Variants in SCARA3 observed in about 807,000 individuals in gnomAD.
SCARA3 encodes scavenger receptor class A member 3.
In SCARA3, 39 loss-of-function variants were observed where a neutral mutation model predicts 47.0. The ratio of observed to expected loss-of-function variants is 0.83; its 90% confidence interval spans 0.64 to 1.08. The LOEUF (loss-of-function observed/expected upper bound fraction) is 1.08, where lower values mean the gene tolerates loss of function less well. Among genes scored for constraint, SCARA3 ranks in the 50% least tolerant of loss-of-function variants. The pLI is 0.00. For synonymous variants in SCARA3, 356 were observed against 334.1 expected (o/e 1.07, Z -0.71); for missense variants, 724 against 792.3 (o/e 0.91, Z 1.04).
rs1219600994 is a variant in SCARA3, at chr8:27,659,359, T to C, written c.1189T>C (p.Tyr397His). The change falls in exon 5 of 6, where the codon TAC (tyrosine) becomes CAC (histidine). Residue 397 changes from tyrosine (Y) to histidine (H), a missense_variant. Tyr to His is a moderately conservative substitution (Grantham distance 83). Coordinates refer to ENST00000301904, the MANE Select transcript of SCARA3 (RefSeq NM_016240.3). ...LGFHTHAEEL[Y>H]YLNKSVSIML... ...CTTCCACACCCATGCCGAGGAGCTC[T>C]ACTACCTGAACAAGTCTGTCTCCAT... 2.5e-6 allele frequency: 4 copies of C among 1,614,104 alleles called. No homozygotes were observed. The highest frequency in any genetic ancestry group is 2.5e-6 in the Non-Finnish European group (3 of 1,179,994).
At chr8:27,665,735 A>G (rs777664188) in intron 5 of SCARA3, among the ~76,000 whole-genome samples, 13 of 152,202 alleles carry the variant, frequency 8.5e-5, no homozygotes, top group Non-Finnish European at 1.8e-4. Flanking sequence ...CCTGTATCCC[A>G]TAGGGTAATT....
chr8:27,671,042 C>G lies in SCARA3; in HGVS notation c.1512C>G (p.Ala504=), dbSNP rs373354461. 6.2e-7 allele frequency: 1 copy of G among 1,612,488 alleles called. No individual in the cohort carries two copies. The highest frequency in any genetic ancestry group is 8.5e-7 in the Non-Finnish European group (1 of 1,179,676). Residue 504 remains alanine (A), a synonymous_variant, in exon 6 of 6, where the codon GCC becomes GCG. Coordinates refer to ENST00000301904, the MANE Select transcript of SCARA3 (RefSeq NM_016240.3). The stretch of plus-strand genomic sequence containing the variant: ...GTCCTCAGGGGCAACCTGGAGAGGC[C>G]GGGCCTGTGGGAGAAAGGGGCCCTG... ...PQGPQGQPGE[A]GPVGERGPVG...
intron 3 of SCARA3, among the ~76,000 whole-genome samples, chr8:27,655,782 T>C (rs1801730846): frequency 6.6e-6 from 1 of 152,222 alleles, no homozygotes; most frequent in East Asian, 1.9e-4. Context: ...ATTGCTGTAT[T>C]ATTTATATAG....
At chr8:27,637,685 C>T (rs1383096141) in intron 1 of SCARA3, among the ~76,000 whole-genome samples, 1 of 152,070 alleles carries the variant, frequency 6.6e-6, no homozygotes, top group Non-Finnish European at 1.5e-5. Flanking sequence ...GGGCAGCCCT[C>T]TGTTCCTCAG....
At chr8:27,648,381 T>C (rs1403121208) in intron 1 of SCARA3, among the ~76,000 whole-genome samples, 1 of 152,146 alleles carries the variant, frequency 6.6e-6, no homozygotes, top group African/African-American at 2.4e-5. Flanking sequence ...CCAAGGTGGG[T>C]GGATCACGGT....
chr8:27,730,312 C>T, the SCARA3 span, among the ~76,000 whole-genome samples: 7 of 152,190 alleles, frequency 4.6e-5, no homozygotes, highest in African/African-American at 1.4e-4. Context: ...ATTATCTTCC[C>T]CTCAGCCCCA....
chr8:27,637,490 G>T (rs572750425), intron 1 of SCARA3, among the ~76,000 whole-genome samples: 1 of 152,276 alleles, frequency 6.6e-6, no homozygotes, highest in African/African-American at 2.4e-5. Flanking sequence ...CTTTAGTCCC[G>T]GCCCCATCAT....
chr8:27,645,848 A>T (rs1385721280), intron 1 of SCARA3, among the ~76,000 whole-genome samples: 1 of 152,148 alleles, frequency 6.6e-6, no homozygotes, highest in African/African-American at 2.4e-5. Flanking sequence ...TCCTCTGATC[A>T]ATCACTACTC....
chr8:27,702,262 G>A, the SCARA3 span: 5 of 152,142 alleles, frequency 3.3e-5, no homozygotes, highest in Admixed American at 3.3e-4. Flanking sequence ...GGTCTTCCAG[G>A]GCTCCATCTC....
intron 2 of SCARA3, among the ~76,000 whole-genome samples, chr8:27,650,655 GA>G (rs1801611648): frequency 6.6e-6 from 1 of 152,190 alleles, no homozygotes; most frequent in South Asian, 2.1e-4. Flanking sequence ...TTCACCTTAG[GA>G]ATTCGCAGCT....
the SCARA3 span, among the ~76,000 whole-genome samples, chr8:27,710,668 A>C: frequency 6.6e-6 from 1 of 152,154 alleles, no homozygotes; most frequent in East Asian, 1.9e-4. Flanking sequence ...CGAAATCTAC[A>C]TATCACCTTT....
the SCARA3 span, among the ~76,000 whole-genome samples, chr8:27,729,363 T>G: frequency 6.6e-6 from 1 of 152,130 alleles, no homozygotes; most frequent in Non-Finnish European, 1.5e-5. Flanking sequence ...GTGAGCCACT[T>G]TCCTCACCCT....
intron 1 of SCARA3, among the ~76,000 whole-genome samples, chr8:27,640,212 T>G (rs1212031175): frequency 6.6e-6 from 1 of 152,230 alleles, no homozygotes; most frequent in African/African-American, 2.4e-5. Context: ...CATTTATTAT[T>G]TTTTTAAAAA....
chr8:27,709,276 T>C, the SCARA3 span, among the ~76,000 whole-genome samples: 3 of 152,108 alleles, frequency 2.0e-5, no homozygotes, highest in Non-Finnish European at 2.9e-5. Context: ...CCTGAGGGAT[T>C]TTTACAAGAA....
the SCARA3 span, among the ~76,000 whole-genome samples, chr8:27,711,221 C>T: frequency 6.6e-6 from 1 of 152,110 alleles, no homozygotes; most frequent in African/African-American, 2.4e-5. Flanking sequence ...CACACCAGGC[C>T]CTGGGCTCTC....
chr8:27,667,893 A>C (rs1206257413), intron 5 of SCARA3, among the ~76,000 whole-genome samples: 1 of 151,996 alleles, frequency 6.6e-6, no homozygotes, highest in Non-Finnish European at 1.5e-5. Context: ...GGCCCCCGAT[A>C]ACATCGTCCA....
the SCARA3 span, among the ~76,000 whole-genome samples, chr8:27,705,230 G>T: frequency 3.3e-5 from 5 of 152,224 alleles, no homozygotes; most frequent in Non-Finnish European, 5.9e-5. Context: ...GGTCGAAGGA[G>T]CCTGGTAGAG....
At chr8:27,710,490 A>G in the SCARA3 span, among the ~76,000 whole-genome samples, 1 of 152,236 alleles carries the variant, frequency 6.6e-6, no homozygotes, top group African/African-American at 2.4e-5. Context: ...ACGAAAGTAA[A>G]GATCAATGAA....
the SCARA3 span, among the ~76,000 whole-genome samples, chr8:27,711,084 G>A: frequency 6.6e-6 from 1 of 151,974 alleles, no homozygotes; most frequent in Non-Finnish European, 1.5e-5. Flanking sequence ...CACCACGCCC[G>A]ACTAATTCTG....
Sources: allele counts gnomAD v4.1 joint callset (sites outside exome capture counted in the v4.1 genomes callset), GRCh38; gene constraint gnomAD v4.1.1; transcripts MANE v1.5; gene names NCBI Gene and HGNC (gene_info 2026-07-23, HGNC 2026-07-21).